Variants in MARS1 observed in about 807,000 individuals in gnomAD.
MARS1 encodes the protein methionine--tRNA ligase, cytoplasmic.
A neutral mutation model predicts 119.5 loss-of-function variants in MARS1; 80 were observed. That is an observed-to-expected ratio of 0.67 (90% CI 0.56 to 0.81). The LOEUF is 0.81. MARS1 is among the 30% of genes least tolerant of loss of function. MARS1 has a pLI of 0.00. For missense variants in MARS1, 945 were observed against 1,116.5 expected, an observed-to-expected ratio of 0.85 and a Z score of 2.19; for synonymous variants, 418 against 433.4, an observed-to-expected ratio of 0.96 and a Z score of 0.44.
chr12:57,516,559 CT>C lies in MARS1; in HGVS notation c.2682del (p.Gly896AlafsTer18), dbSNP rs1462339135. Reference protein sequence around the residue: ...AVAEGKPPEAPKGKKKK With the variant: ...AVAEGKPPEAXKGKKKK ...GCTGAGGGGAAACCCCCTGAAGCCC[CT>C]AAAGGCAAGAAGAAAAAGTAAAAGA... is the stretch of plus-strand genomic sequence containing the variant. On this transcript the variant is annotated frameshift_variant, in exon 21 of 21. Transcript: ENST00000262027. LOFTEE classifies it high-confidence loss of function. 6.3e-7 allele frequency: 1 copy of C among 1,583,354 alleles called. No individual in the cohort carries two copies. Among genetic ancestry groups the C allele is most frequent in the Non-Finnish European group, 8.5e-7 (1 of 1,171,424 alleles).
Position 57,500,435 on chromosome 12 carries a change from G to A in MARS1, c.1206G>A (p.Glu402=). The change falls in exon 10 of 21, where the codon GAG becomes GAA. Residue 402 remains glutamate (E), a synonymous_variant. Coordinates refer to ENST00000262027, the MANE Select transcript of MARS1 (RefSeq NM_004990.4). ...GCTTCCTGGCTGACCGCTTCGTGGAGGGCGTGTGTCCCTTCTGTGGCTATG... is the reference window on the plus strand; with the variant it reads ...GCTTCCTGGCTGACCGCTTCGTGGAAGGCGTGTGTCCCTTCTGTGGCTATG... The part of the protein sequence containing the change: ...CARFLADRFV[E]GVCPFCGYEE... 1 of 1,614,170 alleles carries A rather than the reference G, an allele frequency of 6.2e-7. No homozygotes were observed. Among genetic ancestry groups the A allele is most frequent in the Non-Finnish European group, 8.5e-7 (1 of 1,180,028 alleles).
At position 57,516,519 on chromosome 12, in the gene MARS1, A is replaced by G. The variant is rs756500644; in HGVS notation, c.2641A>G (p.Lys881Glu). ...GGTGGCGAAACTCTTGGATCTAAAG[A>G]AACAGTTGGCTGTAGCTGAGGGGAA... is the stretch of plus-strand genomic sequence containing the variant. ...AEVAKLLDLK[K>E]QLAVAEGKPP... The change falls in exon 21 of 21, where the codon AAA becomes GAA. Residue 881 changes from lysine to glutamate, a missense_variant. Transcript: ENST00000262027. 3 of 1,613,114 alleles carry G rather than the reference A, an allele frequency of 1.9e-6. No individual in the cohort carries two copies. The Admixed American group carries it at 5.0e-5, about 27-fold the overall frequency.
intron 11 of MARS1, among the ~76,000 whole-genome samples, chr12:57,510,080 C>G (rs568817576): frequency 2.2e-4 from 34 of 152,238 alleles, no homozygotes; most frequent in African/African-American, 7.9e-4. Context: ...GGCACAATCA[C>G]AGCTCACCGC....
At chr12:57,515,415 A>G in intron 18 of MARS1, 79 bp downstream of exon 18, 2 of 1,374,854 alleles carry the variant, frequency 1.5e-6, no homozygotes, top group Non-Finnish European at 2.0e-6. Flanking sequence ...AAGACCTAAC[A>G]TCTCTCCAGT....
chr12:57,489,029 C>G lies in MARS1; in HGVS notation c.120C>G (p.Val40=). The change falls in exon 2 of 21, where the codon GTC becomes GTG. Residue 40 remains valine (V), a synonymous_variant. Coordinates refer to ENST00000262027, the MANE Select transcript of MARS1 (RefSeq NM_004990.4). ...ISTVGPEDCV[V]PFLTRPKVPV... Reference sequence around the variant, plus strand: ...CCATTCTTGCATCAGATTGTGTGGTCCCGTTCCTGACCCGGCCTAAGGTCC... The same window carrying G: ...CCATTCTTGCATCAGATTGTGTGGTGCCGTTCCTGACCCGGCCTAAGGTCC... 1 of 1,613,144 alleles carries G rather than the reference C, an allele frequency of 6.2e-7. No individual in the cohort carries two copies.
chr12:57,503,520 A>G (rs1223467051), intron 10 of MARS1, among the ~76,000 whole-genome samples: 2 of 151,170 alleles, frequency 1.3e-5, no homozygotes, highest in Non-Finnish European at 2.9e-5. Context: ...GGCGTGAGCC[A>G]CGGTGCTCAG....
chr12:57,500,652 C>T (rs1184125046), intron 10 of MARS1, 130 bp downstream of exon 10: 3 of 766,720 alleles, frequency 3.9e-6, no homozygotes, highest in Non-Finnish European at 6.4e-6. Context: ...TCTGCCCCAT[C>T]TCAGCAACTC....
At position 57,512,033 on chromosome 12, in the gene MARS1, C is replaced by T; in HGVS notation, c.1565C>T (p.Thr522Ile). The change falls in exon 13 of 21, where the codon ACT becomes ATT. Residue 522 changes from threonine (T) to isoleucine (I), a missense_variant. Coordinates refer to ENST00000262027, the MANE Select transcript of MARS1 (RefSeq NM_004990.4). ...GTATTCTATGTCTGGTTTGATGCCA[C>T]TATTGGCTATCTGTCCATCACAGCC... is the stretch of plus-strand genomic sequence containing the variant. ...DKVFYVWFDA[T>I]IGYLSITANY... 6.2e-7 allele frequency: 1 copy of T among 1,614,174 alleles called. No homozygotes were observed. The highest frequency in any genetic ancestry group is 8.5e-7 in the Non-Finnish European group (1 of 1,180,024).
At chr12:57,503,610 T>C (rs1877039228) in intron 10 of MARS1, among the ~76,000 whole-genome samples, 2 of 151,634 alleles carry the variant, frequency 1.3e-5, no homozygotes, top group African/African-American at 4.8e-5. Context: ...GGTGGCATGA[T>C]CTTGGCTCAC....
intron 10 of MARS1, among the ~76,000 whole-genome samples, chr12:57,502,687 CAG>C (rs1243922797): frequency 8.6e-6 from 1 of 116,252 alleles, no homozygotes; most frequent in African/African-American, 3.4e-5. Flanking sequence ...GCCTGGGCGA[CAG>C]AGCGAGATTT....
intron 7 of MARS1, 135 bp downstream of exon 7, chr12:57,490,779 T>G (rs1875885526): frequency 4.6e-6 from 2 of 430,700 alleles, no homozygotes; most frequent in Admixed American, 7.6e-5. Flanking sequence ...TTCTTACATC[T>G]CTTTTTTTTT....
rs1226938715 is a variant in MARS1 at position 57,493,745 on chromosome 12, A to T, written c.770+3101A>T. Among the ~76,000 whole-genome samples the T allele has an allele frequency of 2.3e-3, 10 of 4,298 alleles. 1 individual carries two copies. The highest frequency in any genetic ancestry group is 3.3e-3 in the Non-Finnish European group (10 of 3,002). The allele number at this position is 4,298 out of a possible 152,430, so 2.8% of individuals were successfully genotyped here. A position where few individuals can be genotyped will look rare whatever the true frequency, so the allele number is the denominator to read the frequency against. ...TATATTATATTATATAATATATATTATATACATTATATTATATATATTATA... is the reference window on the plus strand; with the variant it reads ...TATATTATATTATATAATATATATTTTATACATTATATTATATATATTATA... On this transcript the variant is annotated intron_variant, in intron 7 of 20. Transcript: ENST00000262027.
rs201555303 is a variant in MARS1 at position 57,512,036 on chromosome 12, T to C, written c.1568T>C (p.Ile523Thr). The C allele has an allele frequency of 4.0e-5, 64 of 1,614,188 alleles. No individual in the cohort carries two copies. Among genetic ancestry groups the C allele is most frequent in the Non-Finnish European group, 3.2e-5 (38 of 1,180,028 alleles). The change falls in exon 13 of 21, where the codon ATT (isoleucine) becomes ACT (threonine). Residue 523 changes from isoleucine (I) to threonine (T), a missense_variant. Physicochemically the swap from Ile to Thr is moderately conservative, Grantham distance 89. Coordinates refer to ENST00000262027, the MANE Select transcript of MARS1 (RefSeq NM_004990.4). ...TTCTATGTCTGGTTTGATGCCACTA[T>C]TGGCTATCTGTCCATCACAGCCAAC... is the stretch of plus-strand genomic sequence containing the variant. The part of the protein sequence containing the change: ...KVFYVWFDAT[I>T]GYLSITANYT...
intron 7 of MARS1, among the ~76,000 whole-genome samples, chr12:57,496,404 C>T (rs1876636497): frequency 6.6e-6 from 1 of 151,916 alleles, no homozygotes; most frequent in Non-Finnish European, 1.5e-5. Flanking sequence ...ACCTCGTGAT[C>T]CGCCTGCCTG....
chr12:57,493,428 GTATAATATATTACATAATATATAATATAT>G lies in MARS1; in HGVS notation c.770+2795_770+2823del, dbSNP rs1876139375. On this transcript the variant is annotated intron_variant, in intron 7 of 20. Coordinates refer to ENST00000262027, the MANE Select transcript of MARS1 (RefSeq NM_004990.4). ...TGTTATATAATATATTATATGATAT[GTATAATATATTACATAATATATAATATAT>G]TATAATATATAATATATAATATATA... Among the ~76,000 whole-genome samples the G allele has an allele frequency of 6.8e-3, 13 of 1,908 alleles. 3 individuals carry two copies. The East Asian group carries it at 0.5, about 73-fold the overall frequency. 1.3% of individuals were successfully genotyped at this position (1,908 alleles called of 152,430 possible).
chr12:57,512,827 G>C lies in MARS1; in HGVS notation c.1830G>C (p.Thr610=), dbSNP rs149742633. 1.2e-6 allele frequency: 2 copies of C among 1,614,232 alleles called. No homozygotes were observed. Among genetic ancestry groups the C allele is most frequent in the Admixed American group, 1.7e-5 (1 of 60,024 alleles). Residue 610 remains threonine, a synonymous_variant, in exon 15 of 21, where the codon ACG becomes ACC. Transcript: ENST00000262027. The part of the protein sequence containing the change: ...VGVFGDMAQD[T]GIPADIWRFY... Reference sequence around the variant, plus strand: ...TGTTTGGGGACATGGCCCAGGACACGGGGATCCCTGCTGACATCTGGCGCT... The same window carrying C: ...TGTTTGGGGACATGGCCCAGGACACCGGGATCCCTGCTGACATCTGGCGCT...
chr12:57,514,284 A>G (rs1294085889), intron 15 of MARS1, among the ~76,000 whole-genome samples: 1 of 150,504 alleles, frequency 6.6e-6, no homozygotes. Flanking sequence ...CAGCCTCCAG[A>G]GTAGCTGGGA....
At chr12:57,507,505 T>C (rs1877249641) in intron 11 of MARS1, among the ~76,000 whole-genome samples, 1 of 56,300 alleles carries the variant, frequency 1.8e-5, no homozygotes, top group African/African-American at 6.3e-5. Context: ...ACCTCCCTCC[T>C]GCATGGGGCG....
At chr12:57,489,767 A>G (rs1411094945) in intron 4 of MARS1, 129 bp from the exon 5 acceptor site, 1 of 1,080,718 alleles carries the variant, frequency 9.3e-7, no homozygotes, top group East Asian at 2.4e-5. Context: ...GTGAGGATTA[A>G]GTGAGATCAT....
Sources: gnomAD v4.1 joint callset for allele counts (sites outside exome capture counted in the v4.1 genomes callset) on GRCh38, gnomAD v4.1.1 for gene constraint, MANE v1.5 for transcripts, NCBI Gene and HGNC (gene_info 2026-07-23, HGNC 2026-07-21) for gene names.